Variants in CSMD1 observed in about 807,000 individuals in gnomAD.
CSMD1 encodes CUB and sushi domain-containing protein 1.
A neutral mutation model predicts 417.5 loss-of-function variants in CSMD1; 213 were observed. That is an observed-to-expected ratio of 0.51 (90% CI 0.46 to 0.57). CSMD1 has a LOEUF of 0.57. Among genes scored for constraint, CSMD1 ranks in the 20% least tolerant of loss-of-function variants. The pLI is 0.00. For missense variants in CSMD1, 6,923 were observed against 4,529.7 expected (o/e 1.53, Z -15.17); for synonymous variants, 2,862 against 1,736.8 (o/e 1.65, Z -16.11).
At chr8:4,047,279 G>A (rs957826563) in intron 3 of CSMD1, among the ~76,000 whole-genome samples, 6 of 152,040 alleles carry the variant, frequency 3.9e-5, no homozygotes, top group African/African-American at 1.4e-4. Flanking sequence ...TGGAGTGGGA[G>A]GAAGGGAGGA....
At chr8:4,522,704 C>T (rs564436969) in intron 2 of CSMD1, among the ~76,000 whole-genome samples, 1 of 152,202 alleles carries the variant, frequency 6.6e-6, no homozygotes, top group East Asian at 1.9e-4. Flanking sequence ...TCTCACTTTA[C>T]CAAAGCAGGC....
At chr8:4,464,296 G>C (rs527477634) in intron 2 of CSMD1, among the ~76,000 whole-genome samples, 1 of 151,958 alleles carries the variant, frequency 6.6e-6, no homozygotes, top group South Asian at 2.1e-4. Context: ...ATGTATGCAT[G>C]CAATGGACAG....
At chr8:4,432,107 A>G (rs1216292165) in intron 2 of CSMD1, among the ~76,000 whole-genome samples, 8 of 152,226 alleles carry the variant, frequency 5.3e-5, no homozygotes, top group African/African-American at 1.9e-4. Flanking sequence ...ATTGAGTTCA[A>G]AAAGGTGATT....
intron 5 of CSMD1, among the ~76,000 whole-genome samples, chr8:3,858,720 T>G (rs895713484): frequency 6.6e-6 from 1 of 152,090 alleles, no homozygotes; most frequent in African/African-American, 2.4e-5. Flanking sequence ...AGTCCATAAA[T>G]CAGATTACAT....
chr8:4,185,051 A>C (rs2131190725), intron 3 of CSMD1, among the ~76,000 whole-genome samples: 1 of 148,962 alleles, frequency 6.7e-6, no homozygotes, highest in South Asian at 2.2e-4. Flanking sequence ...AGGCAGGAGA[A>C]TGGCTAGAGC....
chr8:4,859,838 G>C (rs570693952), intron 1 of CSMD1, among the ~76,000 whole-genome samples: 1 of 152,252 alleles, frequency 6.6e-6, no homozygotes, highest in East Asian at 1.9e-4. Context: ...CAACCATTGT[G>C]GAAGTCAGTG....
At chr8:3,100,540 C>A (rs932276937) in intron 46 of CSMD1, among the ~76,000 whole-genome samples, 1 of 152,206 alleles carries the variant, frequency 6.6e-6, no homozygotes, top group African/African-American at 2.4e-5. Context: ...TAGAAAACAA[C>A]TGTGTCTCCA....
chr8:3,310,121 G>T (rs1805209455), intron 23 of CSMD1, among the ~76,000 whole-genome samples: 1 of 152,152 alleles, frequency 6.6e-6, no homozygotes, highest in African/African-American at 2.4e-5. Context: ...AGAAATTAGG[G>T]GGATGGTTTC....
chr8:4,683,668 A>T (rs1172094818), intron 1 of CSMD1, among the ~76,000 whole-genome samples: 2 of 152,234 alleles, frequency 1.3e-5, no homozygotes, highest in African/African-American at 4.8e-5. Context: ...GGGGACTCCC[A>T]GCCAGTCCAG....
chr8:4,878,688 G>C (rs1327365452), intron 1 of CSMD1, among the ~76,000 whole-genome samples: 1 of 151,898 alleles, frequency 6.6e-6, no homozygotes. Context: ...CTTATATTCT[G>C]TATTTTACCC....
chr8:3,899,330 G>A (rs976517997), intron 5 of CSMD1, among the ~76,000 whole-genome samples: 1 of 152,200 alleles, frequency 6.6e-6, no homozygotes. Context: ...CTACTTCAGA[G>A]CAGGTGTGAG....
intron 29 of CSMD1, among the ~76,000 whole-genome samples, chr8:3,218,024 A>G (rs1439960144): frequency 1.3e-5 from 2 of 152,228 alleles, no homozygotes; most frequent in Non-Finnish European, 1.5e-5. Context: ...TAAATTTGAA[A>G]AAACATATAT....
chr8:4,745,698 C>T (rs1478617541), intron 1 of CSMD1, among the ~76,000 whole-genome samples: 1 of 152,166 alleles, frequency 6.6e-6, no homozygotes, highest in Non-Finnish European at 1.5e-5. Flanking sequence ...TTCTTAGCTA[C>T]TGAGGGCTAT....
intron 50 of CSMD1, among the ~76,000 whole-genome samples, chr8:3,043,130 C>G (rs889997655): frequency 1.3e-4 from 17 of 129,948 alleles, no homozygotes; most frequent in Non-Finnish European, 4.8e-5. Flanking sequence ...ATATATAGTA[C>G]ATATATATAG....
chr8:4,367,651 T>C (rs937985524), intron 3 of CSMD1, among the ~76,000 whole-genome samples: 17 of 152,118 alleles, frequency 1.1e-4, no homozygotes, highest in Admixed American at 9.2e-4. Flanking sequence ...TTGCTTTGGG[T>C]GGTATGATGA....
In CSMD1 at chr8:3,794,996, G is replaced by A. The variant is rs1183878250; in HGVS notation, c.819-40954C>T. ...CTATAGATATATATCTATCTATCAT[G>A]TATAGCTATAAATACATATCTATCA... On this transcript the variant is annotated intron_variant, in intron 5 of 69. Coordinates refer to ENST00000635120, the MANE Select transcript of CSMD1 (RefSeq NM_033225.6). 7.3e-4 allele frequency among the ~76,000 whole-genome samples: 93 copies of A among 127,374 alleles called. 2 individuals carry two copies. The highest frequency in any genetic ancestry group is 6.2e-3 in the South Asian group (23 of 3,716). 83.6% of individuals were successfully genotyped at this position (127,374 alleles called of 152,430 possible).
intron 5 of CSMD1, among the ~76,000 whole-genome samples, chr8:3,891,472 G>C (rs921858864): frequency 2.0e-5 from 3 of 152,074 alleles, no homozygotes; most frequent in Admixed American, 6.6e-5. Context: ...CTGTATACAG[G>C]AGTTTGAGAC....
At chr8:4,704,806 G>C (rs530989244) in intron 1 of CSMD1, among the ~76,000 whole-genome samples, 1 of 152,300 alleles carries the variant, frequency 6.6e-6, no homozygotes, top group Admixed American at 6.5e-5. Flanking sequence ...CAGCCTGAGT[G>C]AGCTTGGAAG....
At position 4,737,508 on chromosome 8, in the gene CSMD1, A is replaced by AC. The variant is rs200530204; in HGVS notation, c.86-99951dup. 4.1e-4 allele frequency among the ~76,000 whole-genome samples: 62 copies of AC among 152,178 alleles called. 3 individuals carry two copies. In the East Asian group the frequency reaches 8.5e-3, roughly 21 times the overall value. On this transcript the variant is annotated intron_variant, in intron 1 of 69. Coordinates refer to ENST00000635120, the MANE Select transcript of CSMD1 (RefSeq NM_033225.6). ...AAGTTAAAATAACAATTAAAAAAAA[A>AC]CATAAAACATCATTACCAGACACAT...
Sources: allele counts gnomAD v4.1 joint callset (sites outside exome capture counted in the v4.1 genomes callset), GRCh38; gene constraint gnomAD v4.1.1; transcripts MANE v1.5; gene names NCBI Gene and HGNC (gene_info 2026-07-23, HGNC 2026-07-21).